Variants in ARL14EPL observed in about 807,000 individuals in gnomAD.
The protein encoded by ARL14EPL is ARF like GTPase 14 effector protein like, also known as ARL14 effector protein-like.
In ARL14EPL, 17 loss-of-function variants were observed where a neutral mutation model predicts 15.9. The observed-to-expected ratio is 1.07, with a 90% CI of 0.73 to 1.60. The LOEUF is 1.60. Ranked by LOEUF, ARL14EPL falls within the 40% of genes most tolerant of loss-of-function variation. ARL14EPL has a pLI of 0.00. For missense variants in ARL14EPL, 214 were observed against 185.9 expected (o/e 1.15, Z -0.88); for synonymous variants, 78 against 63.8 (o/e 1.22, Z -1.06).
At chr5:116,036,294 G>A (rs528721530) in intron 1 of ARL14EPL, among the ~76,000 whole-genome samples, 2 of 152,270 alleles carry the variant, frequency 1.3e-5, no homozygotes, top group East Asian at 3.9e-4. Context: ...TACACTCTGA[G>A]AAGCCTCTCT....
intron 1 of ARL14EPL, among the ~76,000 whole-genome samples, chr5:116,046,542 G>A (rs1352869906): frequency 6.6e-6 from 1 of 152,222 alleles, no homozygotes; most frequent in African/African-American, 2.4e-5. Context: ...CTCAAGGGAT[G>A]TGGTTCCTGA....
At chr5:116,044,680 A>T (rs115922090) in intron 1 of ARL14EPL, among the ~76,000 whole-genome samples, 4,240 of 152,224 alleles carry the variant, frequency 0.028, 75 homozygotes, top group African/African-American at 0.056. Context: ...AGAGAGAAGG[A>T]GAACTCTCAT....
chr5:116,053,979 G>T (rs1303753833), intron 2 of ARL14EPL, 35 bp from the exon 3 acceptor site: 1 of 1,499,706 alleles, frequency 6.7e-7, no homozygotes, highest in South Asian at 1.3e-5. Flanking sequence ...AAAACTATCT[G>T]GTTCTTACTA....
chr5:116,052,545 G>GA (rs934826535), intron 2 of ARL14EPL, among the ~76,000 whole-genome samples: 2 of 152,238 alleles, frequency 1.3e-5, no homozygotes, highest in Admixed American at 1.3e-4. Context: ...GCCAAGGCTT[G>GA]AGCACAGGCA....
intron 1 of ARL14EPL, among the ~76,000 whole-genome samples, chr5:116,038,133 C>G (rs745823462): frequency 3.3e-5 from 5 of 152,140 alleles, no homozygotes; most frequent in African/African-American, 4.8e-5. Context: ...TCCTGGGAAA[C>G]AGATCACTAA....
intron 1 of ARL14EPL, among the ~76,000 whole-genome samples, chr5:116,050,446 G>A (rs967123858): frequency 6.6e-6 from 1 of 152,160 alleles, no homozygotes; most frequent in Non-Finnish European, 1.5e-5. Flanking sequence ...ATGGCTGCGT[G>A]GTATTCCTTG....
intron 2 of ARL14EPL, chr5:116,052,264 C>T (rs1749401003): frequency 1.3e-6 from 2 of 1,574,118 alleles, no homozygotes; most frequent in Non-Finnish European, 1.7e-6. Context: ...CGTCCTTCTT[C>T]TCGTCGTCCT....
intron 3 of ARL14EPL, among the ~76,000 whole-genome samples, chr5:116,058,456 G>T (rs1351485710): frequency 6.6e-6 from 1 of 152,174 alleles, no homozygotes; most frequent in African/African-American, 2.4e-5. Flanking sequence ...GAAAAATGAA[G>T]TGTTACTCTA....
At chr5:116,053,945 A>C in intron 2 of ARL14EPL, 69 bp from the exon 3 acceptor site, 1 of 1,368,806 alleles carries the variant, frequency 7.3e-7, no homozygotes, top group South Asian at 1.5e-5. Flanking sequence ...CAGAAAGTTC[A>C]TTTTGGGGAA....
At chr5:116,051,873 G>C (rs1311839167) in intron 2 of ARL14EPL, 1 of 1,255,546 alleles carries the variant, frequency 8.0e-7, no homozygotes, top group Non-Finnish European at 1.1e-6. Context: ...ATTTAATAAA[G>C]TTTTATTTTT....
intron 1 of ARL14EPL, among the ~76,000 whole-genome samples, chr5:116,038,356 C>T (rs1181734506): frequency 6.6e-6 from 1 of 152,130 alleles, no homozygotes; most frequent in Non-Finnish European, 1.5e-5. Context: ...CTTATTCTAA[C>T]TGGGCAATGG....
chr5:116,056,761 T>C (rs545721280), intron 3 of ARL14EPL, among the ~76,000 whole-genome samples: 5 of 152,352 alleles, frequency 3.3e-5, no homozygotes, highest in South Asian at 2.1e-4. Flanking sequence ...GGTTTTCTTC[T>C]AGGGTTTTTA....
At chr5:116,053,118 A>G (rs536594299) in intron 2 of ARL14EPL, among the ~76,000 whole-genome samples, 160 of 152,272 alleles carry the variant, frequency 1.1e-3, no homozygotes, top group Non-Finnish European at 1.6e-3. Context: ...CCCAAGGCAG[A>G]TGGTGGATCC....
rs192419427 is a variant in ARL14EPL, at chr5:116,041,808, C to T, written c.-10+9303C>T. On this transcript the variant is annotated intron_variant, in intron 1 of 3. Coordinates refer to ENST00000686077, the MANE Select transcript of ARL14EPL (RefSeq NM_001195581.2). ...ATTTTTCAGGATTCACTAATTGGCA[C>T]CTTTTCTAGTCAGTCTTTTTTAAAA... Among the ~76,000 whole-genome samples, 13 of 152,178 alleles carry T rather than the reference C, an allele frequency of 8.5e-5. No homozygotes were observed. In the East Asian group the frequency reaches 1.4e-3, roughly 16 times the overall value.
intron 3 of ARL14EPL, among the ~76,000 whole-genome samples, chr5:116,057,534 A>G (rs2434359): frequency 0.76 from 114,809 of 152,048 alleles, 43,826 homozygotes; most frequent in African/African-American, 0.79. Flanking sequence ...GGTTGATTTC[A>G]GGACCATCTA....
chr5:116,032,545 A>G (rs1748978726), intron 1 of ARL14EPL, 40 bp downstream of exon 1: 1 of 152,216 alleles, frequency 6.6e-6, no homozygotes, highest in South Asian at 2.1e-4. Flanking sequence ...AGAGAAAGAT[A>G]CCATATTTGC....
intron 1 of ARL14EPL, among the ~76,000 whole-genome samples, chr5:116,039,336 AGAATGGGAT>A (rs1425280395): frequency 6.6e-6 from 1 of 152,242 alleles, no homozygotes; most frequent in Non-Finnish European, 1.5e-5. Flanking sequence ...AGAAAGAACC[AGAATGGGAT>A]CTCTACAAAG....
intron 3 of ARL14EPL, among the ~76,000 whole-genome samples, chr5:116,057,964 T>C (rs1396321854): frequency 6.6e-6 from 1 of 152,214 alleles, no homozygotes; most frequent in Admixed American, 6.5e-5. Flanking sequence ...TATTTCAAAA[T>C]GGTTGGGTTT....
At chr5:116,033,405 G>A (rs780717408) in intron 1 of ARL14EPL, among the ~76,000 whole-genome samples, 1 of 152,134 alleles carries the variant, frequency 6.6e-6, no homozygotes, top group Non-Finnish European at 1.5e-5. Flanking sequence ...GGAGGCTAAT[G>A]TAAGTGTTCT....
Sources: gnomAD v4.1 joint callset for allele counts (sites outside exome capture counted in the v4.1 genomes callset) on GRCh38, gnomAD v4.1.1 for gene constraint, MANE v1.5 for transcripts, NCBI Gene and HGNC (gene_info 2026-07-23, HGNC 2026-07-21) for gene names.